CYB5R4: variants seen among roughly 807,000 people sequenced by gnomAD.
CYB5R4 encodes N-terminal cytochrome b5 and cytochrome b5 oxidoreductase domain-containing protein.
Under a neutral mutation model 70.2 loss-of-function variants are expected in CYB5R4, and 55 were observed. That is an observed-to-expected ratio of 0.78 (90% CI 0.63 to 0.98). The LOEUF (loss-of-function observed/expected upper bound fraction) is 0.98, where lower values mean the gene tolerates loss of function less well. Ranked by LOEUF, CYB5R4 falls within the 50% of genes least tolerant of loss-of-function variation. CYB5R4 has a pLI of 0.00. For synonymous variants in CYB5R4, 197 were observed against 199.5 expected (o/e 0.99, Z 0.11); for missense variants, 562 against 612.6 (o/e 0.92, Z 0.87).
At position 83,936,449 on chromosome 6, in the gene CYB5R4, T is replaced by C. The variant is rs61756900; in HGVS notation, c.1108+73T>C. On this transcript the variant is annotated intron_variant, in intron 12 of 15. Transcript: ENST00000369681. ...TCACATTGTCCTCTAGTTATCTCCATGTAGGAGTCTATCAGATATCTTTAA... is the reference window on the plus strand; with the variant it reads ...TCACATTGTCCTCTAGTTATCTCCACGTAGGAGTCTATCAGATATCTTTAA... 6.9e-4 allele frequency: 894 copies of C among 1,304,468 alleles called. 7 individuals carry two copies. In the African/African-American group the frequency reaches 0.012, roughly 18 times the overall value. 80.8% of individuals were successfully genotyped at this position (1,304,468 alleles called of 1,614,324 possible).
At chr6:83,897,489 G>C (rs1009995864) in intron 3 of CYB5R4, among the ~76,000 whole-genome samples, 3 of 152,168 alleles carry the variant, frequency 2.0e-5, no homozygotes, top group Non-Finnish European at 4.4e-5. Flanking sequence ...TTCCACAATG[G>C]TTGAACCAGT....
chr6:83,936,105 G>A, intron 11 of CYB5R4, 119 bp from the exon 12 acceptor site: 3 of 630,788 alleles, frequency 4.8e-6, no homozygotes, highest in Non-Finnish European at 8.0e-6. Context: ...AGAATTATAT[G>A]CCCATTAGGT....
intron 1 of CYB5R4, among the ~76,000 whole-genome samples, chr6:83,860,710 G>T (rs1374184676): frequency 6.6e-6 from 1 of 152,104 alleles, no homozygotes; most frequent in Non-Finnish European, 1.5e-5. Context: ...AACCCTTATC[G>T]ATTTTCTTAT....
chr6:83,892,872 G>A (rs1258887612), intron 2 of CYB5R4, among the ~76,000 whole-genome samples: 2 of 152,050 alleles, frequency 1.3e-5, no homozygotes, highest in East Asian at 1.9e-4. Context: ...GTGTGCGTGT[G>A]TGTACTTTCA....
chr6:83,884,910 A>G (rs1207312637), intron 2 of CYB5R4, among the ~76,000 whole-genome samples: 1 of 152,186 alleles, frequency 6.6e-6, no homozygotes, highest in African/African-American at 2.4e-5. Context: ...TCAAAACCCA[A>G]AATTATTTTT....
intron 2 of CYB5R4, among the ~76,000 whole-genome samples, chr6:83,877,662 A>C (rs960657856): frequency 6.6e-6 from 1 of 152,092 alleles, no homozygotes; most frequent in Non-Finnish European, 1.5e-5. Flanking sequence ...TTCAAGAGAG[A>C]TCTACCCCGA....
At position 83,965,751 on chromosome 6, in the gene CYB5R4, T is replaced by G. The variant is rs2099473952; in HGVS notation, c.*5873T>G. ...GTCCCCACCCAAATTTCATCTTGAA[T>G]TATACTCCCATAATTCCCATGTGTT... On this transcript the variant is annotated 3_prime_UTR_variant, in exon 16 of 16. Coordinates refer to ENST00000369681, the MANE Select transcript of CYB5R4 (RefSeq NM_016230.4). The G allele has an allele frequency of 6.6e-6, 1 of 152,178 alleles. No homozygotes were observed. The highest frequency in any genetic ancestry group is 2.1e-4 in the South Asian group (1 of 4,824). 9.4% of individuals were successfully genotyped at this position (152,178 alleles called of 1,614,324 possible).
chr6:83,948,714 A>G (rs989516816), intron 14 of CYB5R4, among the ~76,000 whole-genome samples: 5 of 152,206 alleles, frequency 3.3e-5, no homozygotes, highest in African/African-American at 1.2e-4. Flanking sequence ...AAGTGTTGAC[A>G]GTCTCTGAAC....
intron 2 of CYB5R4, among the ~76,000 whole-genome samples, chr6:83,866,036 C>A (rs7738216): frequency 1.7e-3 from 263 of 152,272 alleles, no homozygotes; most frequent in African/African-American, 6.1e-3. Context: ...AAAATGACTT[C>A]CCCATTGTGC....
chr6:83,953,037 T>G (rs1430833497), intron 14 of CYB5R4, among the ~76,000 whole-genome samples: 1 of 152,152 alleles, frequency 6.6e-6, no homozygotes, highest in Non-Finnish European at 1.5e-5. Context: ...TATAGCACTT[T>G]CGGTTTCTTC....
intron 14 of CYB5R4, among the ~76,000 whole-genome samples, chr6:83,942,599 C>T (rs1465336959): frequency 6.6e-6 from 1 of 152,088 alleles, no homozygotes; most frequent in Admixed American, 6.6e-5. Flanking sequence ...GCGCCTGGAA[C>T]ACCAGAGAGA....
intron 2 of CYB5R4, among the ~76,000 whole-genome samples, chr6:83,881,194 A>G (rs1263117765): frequency 6.6e-6 from 1 of 150,950 alleles, no homozygotes; most frequent in African/African-American, 2.4e-5. Context: ...TTTTCTTTAG[A>G]GACAGGGTCT....
intron 14 of CYB5R4, among the ~76,000 whole-genome samples, chr6:83,949,938 T>C (rs2099471269): frequency 6.6e-6 from 1 of 152,182 alleles, no homozygotes; most frequent in Non-Finnish European, 1.5e-5. Context: ...AGTATGTTTG[T>C]AGCAGACATT....
At chr6:83,881,223 G>A (rs1440953203) in intron 2 of CYB5R4, among the ~76,000 whole-genome samples, 2 of 151,686 alleles carry the variant, frequency 1.3e-5, no homozygotes, top group African/African-American at 4.8e-5. Flanking sequence ...TACCCAGGCT[G>A]GAGTGCAGTG....
At chr6:83,873,235 C>CTTTTTTTT (rs927399068) in intron 2 of CYB5R4, among the ~76,000 whole-genome samples, 6 of 99,808 alleles carry the variant, frequency 6.0e-5, no homozygotes, top group African/African-American at 1.7e-4. Flanking sequence ...GGGTATCCTT[C>CTTTTTTTT]TTTTTTTTTT....
chr6:83,960,109 T>C lies in CYB5R4; in HGVS notation c.*231T>C. 2.7e-6 allele frequency: 1 copy of C among 366,430 alleles called. No homozygotes were observed. The highest frequency in any genetic ancestry group is 4.9e-6 in the Non-Finnish European group (1 of 205,712). 22.7% of individuals were successfully genotyped at this position (366,430 alleles called of 1,614,324 possible). ...CTGGAAAGTTAATCATGGCAACAAA[T>C]ACATACAGGATTCTTTGTTATGAAT... is the stretch of plus-strand genomic sequence containing the variant. On this transcript the variant is annotated 3_prime_UTR_variant, in exon 16 of 16. Coordinates refer to ENST00000369681, the MANE Select transcript of CYB5R4 (RefSeq NM_016230.4).
intron 14 of CYB5R4, among the ~76,000 whole-genome samples, chr6:83,945,125 C>T (rs1363702125): frequency 6.6e-6 from 1 of 152,166 alleles, no homozygotes; most frequent in East Asian, 1.9e-4. Context: ...GATATACATT[C>T]TTCACAGCAC....
In CYB5R4 at chr6:83,962,415, CAA is replaced by C. The variant is rs2099473474; in HGVS notation, c.*2539_*2540del. On this transcript the variant is annotated 3_prime_UTR_variant, in exon 16 of 16. Coordinates refer to ENST00000369681, the MANE Select transcript of CYB5R4 (RefSeq NM_016230.4). Reference sequence around the variant, plus strand: ...CACTGTTATTCTCAAGCAAATAACTCAAAGACTCCTACATCACATATTTGCAG... The same window carrying C: ...CACTGTTATTCTCAAGCAAATAACTCAGACTCCTACATCACATATTTGCAG... The C allele has an allele frequency of 6.6e-6, 1 of 152,126 alleles. No homozygotes were observed. Among genetic ancestry groups the C allele is most frequent in the African/African-American group, 2.4e-5 (1 of 41,420 alleles). The allele number at this position is 152,126 out of a possible 1,614,324, so 9.4% of individuals were successfully genotyped here. A position where few individuals can be genotyped will look rare whatever the true frequency, so the allele number is the denominator to read the frequency against.
intron 12 of CYB5R4, among the ~76,000 whole-genome samples, chr6:83,936,598 G>A (rs1286794299): frequency 6.6e-6 from 1 of 152,098 alleles, no homozygotes; most frequent in East Asian, 1.9e-4. Flanking sequence ...GGAAACTCGA[G>A]TCGGCCTTGA....
Sources: gnomAD v4.1 joint callset for allele counts (sites outside exome capture counted in the v4.1 genomes callset) on GRCh38, gnomAD v4.1.1 for gene constraint, MANE v1.5 for transcripts, NCBI Gene and HGNC (gene_info 2026-07-23, HGNC 2026-07-21) for gene names.